Variants in OTUD7A observed in about 807,000 individuals in gnomAD.
The protein encoded by OTUD7A is OTU deubiquitinase 7A.
Under a neutral mutation model 65.7 loss-of-function variants are expected in OTUD7A, and 12 were observed. That is an observed-to-expected ratio of 0.18 (90% CI 0.12 to 0.30). OTUD7A has a LOEUF of 0.30. OTUD7A is among the 10% of genes least tolerant of loss of function. The pLI is 1.00. For missense variants in OTUD7A, 1,148 were observed against 1,304.8 expected (o/e 0.88, Z 1.85); for synonymous variants, 641 against 586.3 (o/e 1.09, Z -1.35).
At chr15:31,535,484 T>C (rs1397424062) in intron 5 of OTUD7A, among the ~76,000 whole-genome samples, 1 of 152,152 alleles carries the variant, frequency 6.6e-6, no homozygotes, top group Non-Finnish European at 1.5e-5. Context: ...AAATGGACTA[T>C]TACCTACCTT....
At chr15:31,708,767 C>T (rs1413208197) in intron 1 of OTUD7A, among the ~76,000 whole-genome samples, 108 of 151,488 alleles carry the variant, frequency 7.1e-4, no homozygotes, top group African/African-American at 2.4e-3. Context: ...GAGGGAGACC[C>T]AGACAGAGAA....
intron 5 of OTUD7A, chr15:31,556,559 A>G (rs572681638): frequency 1.3e-5 from 2 of 150,224 alleles, no homozygotes; most frequent in South Asian, 4.1e-4. Flanking sequence ...GGAAAAAAAT[A>G]ACAGAAAAGA....
intron 5 of OTUD7A, among the ~76,000 whole-genome samples, chr15:31,547,856 CAT>C (rs1417242630): frequency 2.3e-4 from 35 of 152,300 alleles, no homozygotes; most frequent in Middle Eastern, 3.4e-3. Context: ...GGCTAGTCCA[CAT>C]GATTCAGTGA....
intron 2 of OTUD7A, among the ~76,000 whole-genome samples, chr15:31,656,720 G>C (rs1193204165): frequency 1.3e-5 from 2 of 151,934 alleles, no homozygotes; most frequent in Non-Finnish European, 2.9e-5. Flanking sequence ...CCATGCTTTA[G>C]AGCCAGGCAC....
At chr15:31,554,860 C>T (rs1046180178) in intron 5 of OTUD7A, among the ~76,000 whole-genome samples, 6 of 152,154 alleles carry the variant, frequency 3.9e-5, no homozygotes, top group East Asian at 1.9e-4. Flanking sequence ...CATTAAAGAA[C>T]GAAAGGTGTT....
intron 1 of OTUD7A, among the ~76,000 whole-genome samples, chr15:31,738,224 G>A (rs1200837132): frequency 6.6e-6 from 1 of 152,106 alleles, no homozygotes; most frequent in East Asian, 1.9e-4. Context: ...GAGAGAGGGA[G>A]GAGGGAGAAT....
intron 1 of OTUD7A, among the ~76,000 whole-genome samples, chr15:31,667,205 T>TCTA (rs770860568): frequency 4.6e-5 from 7 of 150,970 alleles, no homozygotes; most frequent in Non-Finnish European, 7.4e-5. Flanking sequence ...TGATGACCTG[T>TCTA]CTAGTGCTGT....
intron 1 of OTUD7A, among the ~76,000 whole-genome samples, chr15:31,858,433 G>A (rs944926071): frequency 1.3e-5 from 2 of 152,192 alleles, no homozygotes; most frequent in African/African-American, 2.4e-5. Context: ...CAGAGGAAGA[G>A]GCAGCAGCTC....
chr15:31,574,941 A>T (rs1889159593), intron 3 of OTUD7A, among the ~76,000 whole-genome samples: 1 of 152,044 alleles, frequency 6.6e-6, no homozygotes, highest in South Asian at 2.1e-4. Context: ...AATTACTCAG[A>T]CTAGCCAACC....
At chr15:31,774,457 A>G (rs1029309456) in intron 1 of OTUD7A, among the ~76,000 whole-genome samples, 8 of 152,274 alleles carry the variant, frequency 5.3e-5, no homozygotes, top group Non-Finnish European at 1.0e-4. Context: ...GAGAACTTTG[A>G]AAGACCAGCC....
At position 31,570,010 on chromosome 15, in the gene OTUD7A, A is replaced by T; in HGVS notation, c.331+8T>A. The T allele has an allele frequency of 1.9e-6, 3 of 1,613,542 alleles. No homozygotes were observed. The highest frequency in any genetic ancestry group is 2.5e-6 in the Non-Finnish European group (3 of 1,180,006). ...CGGCTGTGCCTAGGCTCAGTCCCTC[A>T]GCGGTACCTTGGGCAATGTCGTCCT... On this transcript the variant is annotated splice_region_variant and intron_variant, in intron 4 of 12. Transcript: ENST00000307050.
chr15:31,704,943 A>C (rs1266040411), intron 1 of OTUD7A, among the ~76,000 whole-genome samples: 1 of 151,656 alleles, frequency 6.6e-6, no homozygotes, highest in Non-Finnish European at 1.5e-5. Flanking sequence ...GATTTCATAC[A>C]GTACTTTTGC....
At chr15:31,501,863 G>T in intron 9 of OTUD7A, 24 bp from the exon 10 acceptor site, 1 of 1,590,052 alleles carries the variant, frequency 6.3e-7, no homozygotes. Flanking sequence ...CCAGGGTGAG[G>T]GTGTGAGGAG....
At chr15:31,821,303 C>CTTTT (rs57817074) in intron 1 of OTUD7A, among the ~76,000 whole-genome samples, 3 of 113,204 alleles carry the variant, frequency 2.7e-5, no homozygotes, top group African/African-American at 7.7e-5. Flanking sequence ...GCCCAGGTAC[C>CTTTT]TTTTTTTTTT....
chr15:31,840,033 T>C (rs1013105857), intron 1 of OTUD7A, among the ~76,000 whole-genome samples: 1 of 152,160 alleles, frequency 6.6e-6, no homozygotes, highest in Non-Finnish European at 1.5e-5. Context: ...AATCTCTTTT[T>C]AAAATAAAAA....
intron 1 of OTUD7A, among the ~76,000 whole-genome samples, chr15:31,673,907 TTTTA>T (rs1325518763): frequency 6.6e-6 from 1 of 152,220 alleles, no homozygotes; most frequent in Admixed American, 6.5e-5. Flanking sequence ...AGGGTTCATG[TTTTA>T]TTTGTCTTAA....
chr15:31,590,077 T>C (rs1187948177), intron 3 of OTUD7A, among the ~76,000 whole-genome samples: 1 of 152,176 alleles, frequency 6.6e-6, no homozygotes, highest in Non-Finnish European at 1.5e-5. Context: ...CCACATACAA[T>C]GGTATTCTCA....
chr15:31,574,316 C>T (rs1035918177), intron 3 of OTUD7A, among the ~76,000 whole-genome samples: 2 of 152,032 alleles, frequency 1.3e-5, no homozygotes, highest in African/African-American at 4.8e-5. Context: ...GAAACTATGA[C>T]AGAACTAAAA....
intron 1 of OTUD7A, among the ~76,000 whole-genome samples, chr15:31,853,209 T>C (rs1897475664): frequency 6.6e-6 from 1 of 152,152 alleles, no homozygotes; most frequent in South Asian, 2.1e-4. Context: ...TGCAAAACAG[T>C]GACCTATTTC....
Sources: allele counts gnomAD v4.1 joint callset (sites outside exome capture counted in the v4.1 genomes callset), GRCh38; gene constraint gnomAD v4.1.1; transcripts MANE v1.5; gene names NCBI Gene and HGNC (gene_info 2026-07-23, HGNC 2026-07-21).